Variants in GREB1 observed in about 807,000 individuals in gnomAD.
GREB1 encodes growth regulating estrogen receptor binding 1, also known as protein GREB1.
Under a neutral mutation model 200.7 loss-of-function variants are expected in GREB1, and 106 were observed. That is an observed-to-expected ratio of 0.53 (90% CI 0.45 to 0.62). The LOEUF is 0.62. Ranked by LOEUF, GREB1 falls within the 20% of genes least tolerant of loss-of-function variation. GREB1 has a pLI of 0.00. For missense variants in GREB1, 2,243 were observed against 2,556.8 expected, an observed-to-expected ratio of 0.88 and a Z score of 2.65; for synonymous variants, 1,132 against 1,092.4, an observed-to-expected ratio of 1.04 and a Z score of -0.72.
chr2:11,598,576 A>G (rs889004675), intron 14 of GREB1, 104 bp from the exon 15 acceptor site: 28 of 969,300 alleles, frequency 2.9e-5, no homozygotes, highest in Non-Finnish European at 2.2e-5. Flanking sequence ...CTCTGAGTCT[A>G]GCTCAGGACC....
At chr2:11,552,855 C>CAA (rs1446335469) in intron 1 of GREB1, among the ~76,000 whole-genome samples, 1 of 151,818 alleles carries the variant, frequency 6.6e-6, no homozygotes, top group Admixed American at 6.5e-5. Flanking sequence ...ACTAAAAATA[C>CAA]AAAAATTAGC....
intron 1 of GREB1, among the ~76,000 whole-genome samples, chr2:11,485,985 G>A (rs1270859536): frequency 6.6e-6 from 1 of 152,152 alleles, no homozygotes; most frequent in Non-Finnish European, 1.5e-5. Flanking sequence ...AGAGTGACCA[G>A]GACATTTAAA....
At chr2:11,543,786 C>T (rs1406970288) in intron 1 of GREB1, among the ~76,000 whole-genome samples, 1 of 152,140 alleles carries the variant, frequency 6.6e-6, no homozygotes, top group Admixed American at 6.5e-5. Flanking sequence ...GCGCTGTGTT[C>T]TCAGCACCTC....
chr2:11,565,653 T>C (rs1370755647), intron 3 of GREB1, among the ~76,000 whole-genome samples: 2 of 152,154 alleles, frequency 1.3e-5, no homozygotes, highest in African/African-American at 2.4e-5. Flanking sequence ...GAATAGGAAA[T>C]GTATTTACAA....
At chr2:11,616,836 G>C in intron 21 of GREB1, 116 bp downstream of exon 21, 1 of 686,588 alleles carries the variant, frequency 1.5e-6, no homozygotes, top group South Asian at 1.7e-5. Flanking sequence ...ATCAGAACTG[G>C]AAAGATAAGG....
At position 11,640,276 on chromosome 2, in the gene GREB1, C is replaced by T. The variant is rs746306942; in HGVS notation, c.5687-15C>T. On this transcript the variant is annotated splice_polypyrimidine_tract_variant and intron_variant, in intron 32 of 32. Transcript: ENST00000381486. This position sits in a 1 kb window ranked among gnomAD's most constrained non-coding sequence, Gnocchi z 4.6. ...CACCTTTTCCCTTCCCACACCTCTG[C>T]CGTTGTCCACGCAGGTGCGACGTTG... 2 of 1,603,346 alleles carry T rather than the reference C, an allele frequency of 1.2e-6. No individual in the cohort carries two copies. The highest frequency in any genetic ancestry group is 1.7e-6 in the Non-Finnish European group (2 of 1,173,964).
At chr2:11,513,914 A>G (rs149763660) in intron 1 of GREB1, among the ~76,000 whole-genome samples, 3 of 152,276 alleles carry the variant, frequency 2.0e-5, no homozygotes, top group African/African-American at 7.2e-5. Context: ...TGTGGCAGGT[A>G]CTGAGCTAGG....
chr2:11,499,506 G>A (rs1412461720), intron 1 of GREB1, among the ~76,000 whole-genome samples: 7 of 152,266 alleles, frequency 4.6e-5, no homozygotes, highest in African/African-American at 1.7e-4. Context: ...CTTCTACTGT[G>A]CTGTTAATTT....
intron 21 of GREB1, 63 bp downstream of exon 21, chr2:11,616,783 A>T: frequency 3.0e-6 from 3 of 988,852 alleles, no homozygotes; most frequent in Non-Finnish European, 4.9e-6. Context: ...TCAGAGAATG[A>T]AAAGAAACCT....
At chr2:11,571,734 G>A (rs763180020) in intron 4 of GREB1, among the ~76,000 whole-genome samples, 5 of 150,518 alleles carry the variant, frequency 3.3e-5, no homozygotes, top group African/African-American at 7.4e-5. Context: ...TTTTTGAGAC[G>A]GAGTCTCGCT....
At chr2:11,602,133 A>G (rs1681834864) in intron 16 of GREB1, among the ~76,000 whole-genome samples, 1 of 152,230 alleles carries the variant, frequency 6.6e-6, no homozygotes, top group Admixed American at 6.5e-5. Context: ...TGTTAAAATA[A>G]GATAAGGCTG....
chr2:11,599,241 G>C (rs1023910738), intron 15 of GREB1, among the ~76,000 whole-genome samples: 4 of 152,058 alleles, frequency 2.6e-5, no homozygotes, highest in African/African-American at 7.2e-5. Context: ...GGGTGCGGAG[G>C]GTCCTAGCAG....
At chr2:11,611,898 CAT>C (rs1682962755) in intron 18 of GREB1, among the ~76,000 whole-genome samples, 1 of 152,168 alleles carries the variant, frequency 6.6e-6, no homozygotes, top group Admixed American at 6.5e-5. Context: ...ACAGGCAAGA[CAT>C]AAGGAACAGC....
chr2:11,483,157 T>C (rs896295108), intron 1 of GREB1, among the ~76,000 whole-genome samples: 2 of 151,824 alleles, frequency 1.3e-5, no homozygotes, highest in Non-Finnish European at 2.9e-5. Context: ...ACCTGGGTGC[T>C]GCCGCTGCCG....
intron 17 of GREB1, among the ~76,000 whole-genome samples, chr2:11,605,144 CTTTTTTTTTTTTTT>C (rs3035991): frequency 8.0e-4 from 36 of 44,830 alleles, no homozygotes; most frequent in Non-Finnish European, 1.1e-3. Flanking sequence ...GAGCCTGCTT[CTTTTTTTTTTTTTT>C]TTTTTTTTTT....
In GREB1 at chr2:11,633,097, C is replaced by T. The variant is rs1685018392; in HGVS notation, c.4991+34C>T. 2.5e-6 allele frequency: 4 copies of T among 1,605,670 alleles called. No homozygotes were observed. Among genetic ancestry groups the T allele is most frequent in the Non-Finnish European group, 3.4e-6 (4 of 1,173,128 alleles). ...ACCTGAGAGCACCACCTCCTGCCAC[C>T]CTACGAATGATGACCAACGAGTGTG... On this transcript the variant is annotated intron_variant, in intron 28 of 32. Coordinates refer to ENST00000381486, the MANE Select transcript of GREB1 (RefSeq NM_014668.4). This position sits in a 1 kb window ranked among gnomAD's most constrained non-coding sequence, Gnocchi z 4.1.
chr2:11,638,945 C>A, intron 32 of GREB1, 136 bp downstream of exon 32: 1 of 864,964 alleles, frequency 1.2e-6, no homozygotes, highest in Non-Finnish European at 1.8e-6. Context: ...GTGACTGCCT[C>A]AGCCACCCAG....
chr2:11,582,621 C>G (rs1258727330), intron 7 of GREB1, among the ~76,000 whole-genome samples: 2 of 152,232 alleles, frequency 1.3e-5, no homozygotes, highest in Non-Finnish European at 2.9e-5. Flanking sequence ...CCATCGGGGC[C>G]TCGGCGCTGT....
intron 1 of GREB1, chr2:11,539,879 G>T (rs1234154850): frequency 6.6e-6 from 1 of 150,694 alleles, no homozygotes; most frequent in Non-Finnish European, 1.5e-5. Flanking sequence ...GGCTGGCTTG[G>T]CTGCCTCTCC....
Sources: allele counts gnomAD v4.1 joint callset (sites outside exome capture counted in the v4.1 genomes callset), GRCh38; gene constraint gnomAD v4.1.1; non-coding constraint Gnocchi (gnomAD v3.1); transcripts MANE v1.5; gene names NCBI Gene and HGNC (gene_info 2026-07-23, HGNC 2026-07-21).